Variants in NSMCE3 observed in about 807,000 individuals in gnomAD.
NSMCE3 encodes NSE3 component of SMC5/6 complex.
For missense variants in NSMCE3, 452 were observed against 399.5 expected (o/e 1.13, Z -1.12); for synonymous variants, 214 against 172.2 (o/e 1.24, Z -1.90).
In NSMCE3 at chr15:29,268,534, G is replaced by A. The variant is rs1334887701; in HGVS notation, c.*257C>T. 7.1e-6 allele frequency: 3 copies of A among 421,476 alleles called. No individual in the cohort carries two copies. In the Admixed American group the frequency reaches 1.2e-4, roughly 17 times the overall value. 26.1% of individuals were successfully genotyped at this position (421,476 alleles called of 1,614,324 possible). A position where few individuals can be genotyped will look rare whatever the true frequency, so the allele number is the denominator to read the frequency against. ...AGATCATAGTCAAGTTTTCCAATTCGTTTTACTAAGCTAGCAAAATTTTTT... is the reference window on the plus strand; with the variant it reads ...AGATCATAGTCAAGTTTTCCAATTCATTTTACTAAGCTAGCAAAATTTTTT... On this transcript the variant is annotated 3_prime_UTR_variant, in exon 1 of 1. Coordinates refer to ENST00000332303, the MANE Select transcript of NSMCE3 (RefSeq NM_138704.4).
At position 29,269,788 on chromosome 15, in the gene NSMCE3, G is replaced by T; in HGVS notation, c.-83C>A. ...TGCGGGTCGGCGACCCGCTAACGCCGGTGCCTGGAGGCGCGCGCAGTGTCG... is the reference window on the plus strand; with the variant it reads ...TGCGGGTCGGCGACCCGCTAACGCCTGTGCCTGGAGGCGCGCGCAGTGTCG... On this transcript the variant is annotated 5_prime_UTR_variant, in exon 1 of 1. Coordinates refer to ENST00000332303, the MANE Select transcript of NSMCE3 (RefSeq NM_138704.4). The T allele has an allele frequency of 7.8e-7, 1 of 1,274,562 alleles. No individual in the cohort carries two copies. The highest frequency in any genetic ancestry group is 1.7e-5 in the South Asian group (1 of 57,458). 79.0% of individuals were successfully genotyped at this position (1,274,562 alleles called of 1,614,324 possible).
Position 29,265,964 on chromosome 15 carries a change from A to T in NSMCE3, c.*2827T>A, listed in dbSNP as rs562200269. 6.6e-6 allele frequency: 1 copy of T among 152,360 alleles called. No individual in the cohort carries two copies. The highest frequency in any genetic ancestry group is 1.9e-4 in the East Asian group (1 of 5,192). 9.4% of individuals were successfully genotyped at this position (152,360 alleles called of 1,614,324 possible). A position where few individuals can be genotyped will look rare whatever the true frequency, so the allele number is the denominator to read the frequency against. On this transcript the variant is annotated 3_prime_UTR_variant, in exon 1 of 1. Transcript: ENST00000332303. ...TTAGGGGAATTTTTTAAAGCACTAT[A>T]CACAAATGTAGCTCTTATAAACACT...
chr15:29,268,872 C>A lies in NSMCE3; in HGVS notation c.834G>T (p.Trp278Cys). ...CCAAAGCCTCACAGTACTGCGCTGG[C>A]CAGTCCTTGGGGTCTTGATTATGGA... is the stretch of plus-strand genomic sequence containing the variant. The part of the protein sequence containing the change: ...AKVHNQDPKD[W>C]PAQYCEALAD... The change falls in exon 1 of 1, where the codon TGG (tryptophan) becomes TGT (cysteine). Residue 278 changes from tryptophan (W) to cysteine (C), a missense_variant. Coordinates refer to ENST00000332303, the MANE Select transcript of NSMCE3 (RefSeq NM_138704.4). The A allele has an allele frequency of 2.5e-6, 4 of 1,614,136 alleles. No individual in the cohort carries two copies. Among genetic ancestry groups the A allele is most frequent in the Non-Finnish European group, 3.4e-6 (4 of 1,180,018 alleles).
At position 29,266,002 on chromosome 15, in the gene NSMCE3, A is replaced by T. The variant is rs1486968774; in HGVS notation, c.*2789T>A. The T allele has an allele frequency of 6.6e-6, 1 of 152,226 alleles. No individual in the cohort carries two copies. The highest frequency in any genetic ancestry group is 2.4e-5 in the African/African-American group (1 of 41,458). The allele number at this position is 152,226 out of a possible 1,614,324, so 9.4% of individuals were successfully genotyped here. A position where few individuals can be genotyped will look rare whatever the true frequency, so the allele number is the denominator to read the frequency against. On this transcript the variant is annotated 3_prime_UTR_variant, in exon 1 of 1. Transcript: ENST00000332303. ...TCTTATAAACACTAATGATCGTAAC[A>T]CATTTAGGTCAAATGATCTGTATGA... is the stretch of plus-strand genomic sequence containing the variant.
Position 29,267,098 on chromosome 15 carries a change from T to G in NSMCE3, c.*1693A>C, listed in dbSNP as rs931965536. The G allele has an allele frequency of 9.9e-5, 15 of 152,208 alleles. No individual in the cohort carries two copies. The highest frequency in any genetic ancestry group is 3.6e-4 in the African/African-American group (15 of 41,448). 9.4% of individuals were successfully genotyped at this position (152,208 alleles called of 1,614,324 possible). Reference sequence around the variant, plus strand: ...GTAAGGGCCAAACATATTCCACTGATGAAACAAATGCAAATCCCAATTCAA... The same window carrying G: ...GTAAGGGCCAAACATATTCCACTGAGGAAACAAATGCAAATCCCAATTCAA... On this transcript the variant is annotated 3_prime_UTR_variant, in exon 1 of 1. Transcript: ENST00000332303.
At position 29,269,162 on chromosome 15, in the gene NSMCE3, C is replaced by T; in HGVS notation, c.544G>A (p.Val182Ile). Residue 182 changes from valine (V) to isoleucine (I), a missense_variant, in exon 1 of 1, where the codon GTC (valine) becomes ATC (isoleucine). Physicochemically the swap from Val to Ile is conservative, Grantham distance 29. Transcript: ENST00000332303. ...GTPTTGLLMI[V>I]LGLIFMKGNT... The stretch of plus-strand genomic sequence containing the variant: ...CCCTTCATAAAGATGAGCCCTAAGA[C>T]GATCATCAGGAGGCCCGTAGTGGGC... 1 of 1,614,138 alleles carries T rather than the reference C, an allele frequency of 6.2e-7. No homozygotes were observed.
chr15:29,269,033 C>A lies in NSMCE3; in HGVS notation c.673G>T (p.Glu225Ter). Residue 225 changes from glutamate to a stop codon, truncating the protein, a stop_gained, in exon 1 of 1, where the codon GAG becomes TAG. Transcript: ENST00000332303. LOFTEE classifies it low-confidence loss of function (END_TRUNC). ...AGGTAACGCTGTCGCACAAAGTCCTCAGTAATGAGTTTCTTTGGATCTCCG... is the reference window on the plus strand; with the variant it reads ...AGGTAACGCTGTCGCACAAAGTCCTAAGTAATGAGTTTCTTTGGATCTCCG... ...IFGDPKKLIT[E>*]DFVRQRYLEY... 3 of 1,614,112 alleles carry A rather than the reference C, an allele frequency of 1.9e-6. No homozygotes were observed. Among genetic ancestry groups the A allele is most frequent in the Non-Finnish European group, 2.5e-6 (3 of 1,180,016 alleles).
rs1040676507 is a variant in NSMCE3 at position 29,267,056 on chromosome 15, A to T, written c.*1735T>A. ...GTTTATACACTGAAATAAAATGCAG[A>T]TCAAGAAGAAATGCCTGTAAGGGCC... On this transcript the variant is annotated 3_prime_UTR_variant, in exon 1 of 1. Transcript: ENST00000332303. 2.6e-5 allele frequency: 4 copies of T among 152,252 alleles called. No individual in the cohort carries two copies. The highest frequency in any genetic ancestry group is 4.4e-5 in the Non-Finnish European group (3 of 68,056). 9.4% of individuals were successfully genotyped at this position (152,252 alleles called of 1,614,324 possible). A position where few individuals can be genotyped will look rare whatever the true frequency, so the allele number is the denominator to read the frequency against.
rs1217285580 is a variant in NSMCE3, at chr15:29,266,208, A to T, written c.*2583T>A. The T allele has an allele frequency of 6.6e-6, 1 of 152,252 alleles. No individual in the cohort carries two copies. Among genetic ancestry groups the T allele is most frequent in the East Asian group, 1.9e-4 (1 of 5,202 alleles). 9.4% of individuals were successfully genotyped at this position (152,252 alleles called of 1,614,324 possible). A position where few individuals can be genotyped will look rare whatever the true frequency, so the allele number is the denominator to read the frequency against. ...TAGGCAGATACTTAACATTACTAGT[A>T]AGCAACAGGTATAAGTTAATACCGT... On this transcript the variant is annotated 3_prime_UTR_variant, in exon 1 of 1. Transcript: ENST00000332303.
In NSMCE3 at chr15:29,265,311, T is replaced by A. The variant is rs1240531797; in HGVS notation, c.*3480A>T. 1 of 152,150 alleles carries A rather than the reference T, an allele frequency of 6.6e-6. No individual in the cohort carries two copies. The highest frequency in any genetic ancestry group is 6.5e-5 in the Admixed American group (1 of 15,268). The allele number at this position is 152,150 out of a possible 1,614,324, so 9.4% of individuals were successfully genotyped here. A position where few individuals can be genotyped will look rare whatever the true frequency, so the allele number is the denominator to read the frequency against. ...GCAAAAAAGACTAAAATAAAAGGCTTTAAGAATTGAAAAAGAAGACAGGCA... is the reference window on the plus strand; with the variant it reads ...GCAAAAAAGACTAAAATAAAAGGCTATAAGAATTGAAAAAGAAGACAGGCA... On this transcript the variant is annotated 3_prime_UTR_variant, in exon 1 of 1. Coordinates refer to ENST00000332303, the MANE Select transcript of NSMCE3 (RefSeq NM_138704.4).
rs114318320 is a variant in NSMCE3, at chr15:29,269,662, G to A, written c.44C>T (p.Ala15Val). Reference sequence around the variant, plus strand: ...ATGGCTCCAGTCTCTGTCCCTCTCGGCCTGGCCGCCAGAGCGGCCCCGGTT... The same window carrying A: ...ATGGCTCCAGTCTCTGTCCCTCTCGACCTGGCCGCCAGAGCGGCCCCGGTT... ...PRNRGRSGGQ[A>V]ERDRDWSHSG... Residue 15 changes from alanine to valine, a missense_variant, in exon 1 of 1, where the codon GCC (alanine) becomes GTC (valine). Physicochemically the swap from Ala to Val is moderately conservative, Grantham distance 64. Transcript: ENST00000332303. The A allele has an allele frequency of 0.015, 23,101 of 1,562,486 alleles. 2,647 individuals are homozygous for A. In the African/African-American group the frequency reaches 0.26, roughly 18 times the overall value.
In NSMCE3 at chr15:29,269,809, T is replaced by C. The variant is rs543743921; in HGVS notation, c.-104A>G. On this transcript the variant is annotated 5_prime_UTR_variant, in exon 1 of 1. Transcript: ENST00000332303. ...CGCCGGTGCCTGGAGGCGCGCGCAG[T>C]GTCGGCTGAGACTGCGTGCTGCGTC... The C allele has an allele frequency of 1.2e-5, 14 of 1,142,744 alleles. No individual in the cohort carries two copies. The highest frequency in any genetic ancestry group is 1.6e-5 in the Non-Finnish European group (14 of 858,046). The allele number at this position is 1,142,744 out of a possible 1,614,324, so 70.8% of individuals were successfully genotyped here. A position where few individuals can be genotyped will look rare whatever the true frequency, so the allele number is the denominator to read the frequency against.
At position 29,265,940 on chromosome 15, in the gene NSMCE3, T is replaced by G. The variant is rs145916021; in HGVS notation, c.*2851A>C. The G allele has an allele frequency of 1.6e-4, 24 of 152,280 alleles. No homozygotes were observed. Among genetic ancestry groups the G allele is most frequent in the African/African-American group, 5.8e-4 (24 of 41,542 alleles). The allele number at this position is 152,280 out of a possible 1,614,324, so 9.4% of individuals were successfully genotyped here. On this transcript the variant is annotated 3_prime_UTR_variant, in exon 1 of 1. Coordinates refer to ENST00000332303, the MANE Select transcript of NSMCE3 (RefSeq NM_138704.4). Reference sequence around the variant, plus strand: ...GAAAACATATTTACAATTTTAGGATTAGGGGAATTTTTTAAAGCACTATAC... The same window carrying G: ...GAAAACATATTTACAATTTTAGGATGAGGGGAATTTTTTAAAGCACTATAC...
rs1023378983 is a variant in NSMCE3, at chr15:29,265,782, T to A, written c.*3009A>T. ...AAATCAGTGTGGAAAGTATAAATGA[T>A]GAAAAACTGGTGCTAGGCTATCCAT... is the stretch of plus-strand genomic sequence containing the variant. On this transcript the variant is annotated 3_prime_UTR_variant, in exon 1 of 1. Coordinates refer to ENST00000332303, the MANE Select transcript of NSMCE3 (RefSeq NM_138704.4). 6.6e-6 allele frequency: 1 copy of A among 152,164 alleles called. No individual in the cohort carries two copies. The highest frequency in any genetic ancestry group is 2.4e-5 in the African/African-American group (1 of 41,432). 9.4% of individuals were successfully genotyped at this position (152,164 alleles called of 1,614,324 possible). A position where few individuals can be genotyped will look rare whatever the true frequency, so the allele number is the denominator to read the frequency against.
rs1041018739 is a variant in NSMCE3, at chr15:29,265,432, A to T, written c.*3359T>A. 1 of 152,240 alleles carries T rather than the reference A, an allele frequency of 6.6e-6. No homozygotes were observed. The highest frequency in any genetic ancestry group is 2.4e-5 in the African/African-American group (1 of 41,460). 9.4% of individuals were successfully genotyped at this position (152,240 alleles called of 1,614,324 possible). ...GGCGGGCAGATTACCTAAAGTCAGG[A>T]GTTTGAGACCACCCTGGCCAACATG... On this transcript the variant is annotated 3_prime_UTR_variant, in exon 1 of 1. Coordinates refer to ENST00000332303, the MANE Select transcript of NSMCE3 (RefSeq NM_138704.4).
chr15:29,265,143 A>G lies in NSMCE3; in HGVS notation c.*3648T>C, dbSNP rs970584866. ...GCCCAATAAAAGGTATTTATAGGGGAAAAAAACTCTTAACAGCAAACATCA... is the reference window on the plus strand; with the variant it reads ...GCCCAATAAAAGGTATTTATAGGGGGAAAAAACTCTTAACAGCAAACATCA... On this transcript the variant is annotated 3_prime_UTR_variant, in exon 1 of 1. Coordinates refer to ENST00000332303, the MANE Select transcript of NSMCE3 (RefSeq NM_138704.4). 3.3e-5 allele frequency: 5 copies of G among 152,142 alleles called. No individual in the cohort carries two copies. Among genetic ancestry groups the G allele is most frequent in the Non-Finnish European group, 5.9e-5 (4 of 68,020 alleles). The allele number at this position is 152,142 out of a possible 1,614,324, so 9.4% of individuals were successfully genotyped here.
Position 29,268,726 on chromosome 15 carries a change from C to T in NSMCE3, c.*65G>A. The T allele has an allele frequency of 6.6e-7, 1 of 1,505,208 alleles. No individual in the cohort carries two copies. Among genetic ancestry groups the T allele is most frequent in the Non-Finnish European group, 8.9e-7 (1 of 1,121,022 alleles). 93.2% of individuals were successfully genotyped at this position (1,505,208 alleles called of 1,614,324 possible). A position where few individuals can be genotyped will look rare whatever the true frequency, so the allele number is the denominator to read the frequency against. ...TCCCTGGGTTCGTTCTCCCTTCCCC[C>T]AATCCTCTAAACTGTGCCTTTGGGT... On this transcript the variant is annotated 3_prime_UTR_variant, in exon 1 of 1. Transcript: ENST00000332303.
In NSMCE3 at chr15:29,266,566, T is replaced by C. The variant is rs901944055; in HGVS notation, c.*2225A>G. ...CCCATAAAAGAACAATTAAAATGAG[T>C]GAATCAGGTCTACATATATCCACAT... On this transcript the variant is annotated 3_prime_UTR_variant, in exon 1 of 1. Coordinates refer to ENST00000332303, the MANE Select transcript of NSMCE3 (RefSeq NM_138704.4). 38 of 152,142 alleles carry C rather than the reference T, an allele frequency of 2.5e-4. No individual in the cohort carries two copies. Among genetic ancestry groups the C allele is most frequent in the African/African-American group, 9.2e-4 (38 of 41,422 alleles). 9.4% of individuals were successfully genotyped at this position (152,142 alleles called of 1,614,324 possible). A position where few individuals can be genotyped will look rare whatever the true frequency, so the allele number is the denominator to read the frequency against.
Position 29,269,784 on chromosome 15 carries a change from C to T in NSMCE3, c.-79G>A, listed in dbSNP as rs2153042564. 1 of 1,331,416 alleles carries T rather than the reference C, an allele frequency of 7.5e-7. No homozygotes were observed. The highest frequency in any genetic ancestry group is 9.8e-7 in the Non-Finnish European group (1 of 1,024,562). The allele number at this position is 1,331,416 out of a possible 1,614,324, so 82.5% of individuals were successfully genotyped here. A position where few individuals can be genotyped will look rare whatever the true frequency, so the allele number is the denominator to read the frequency against. ...GGATTGCGGGTCGGCGACCCGCTAA[C>T]GCCGGTGCCTGGAGGCGCGCGCAGT... On this transcript the variant is annotated 5_prime_UTR_variant, in exon 1 of 1. Transcript: ENST00000332303.
Sources: allele counts gnomAD v4.1 joint callset, GRCh38; gene constraint gnomAD v4.1.1; transcripts MANE v1.5; gene names NCBI Gene and HGNC (gene_info 2026-07-23, HGNC 2026-07-21).